The following RAB3C variants were observed in gnomAD, a reference collection of about 807,000 sequenced individuals.
RAB3C encodes RAB3C, member RAS oncogene family, also known as ras-related protein Rab-3C.
In RAB3C, 17 loss-of-function variants were observed where a neutral mutation model predicts 26.4. The observed-to-expected ratio is 0.64, with a 90% CI of 0.44 to 0.97. The LOEUF (loss-of-function observed/expected upper bound fraction) is 0.97. RAB3C is among the 50% of genes least tolerant of loss of function. The pLI is 0.00. For synonymous variants in RAB3C, 91 were observed against 95.9 expected (o/e 0.95, Z 0.30); for missense variants, 242 against 281.9 (o/e 0.86, Z 1.01).
At chr5:58,725,967 TTC>T (rs770466440) in intron 2 of RAB3C, 33 bp from the exon 3 acceptor site, 4 of 1,275,240 alleles carry the variant, frequency 3.1e-6, no homozygotes, top group Non-Finnish European at 4.4e-6. Context: ...ATTGCCTTAT[TTC>T]TGAGAGATTA....
chr5:58,748,861 C>A (rs1741460866), intron 3 of RAB3C, among the ~76,000 whole-genome samples: 1 of 152,162 alleles, frequency 6.6e-6, no homozygotes, highest in Admixed American at 6.6e-5. Flanking sequence ...TTAGTTCTCA[C>A]CAACAATGCC....
intron 2 of RAB3C, among the ~76,000 whole-genome samples, chr5:58,709,573 G>C (rs1447121403): frequency 6.6e-6 from 1 of 152,210 alleles, no homozygotes; most frequent in African/African-American, 2.4e-5. Context: ...CTATCAGAAA[G>C]ACTTCTATCC....
intron 2 of RAB3C, among the ~76,000 whole-genome samples, chr5:58,627,811 T>C (rs1250474685): frequency 2.6e-5 from 4 of 152,094 alleles, no homozygotes; most frequent in Admixed American, 2.6e-4. Flanking sequence ...GAAAGCAAGG[T>C]CTCCATCTTG....
At chr5:58,813,298 C>T (rs891820964) in intron 3 of RAB3C, among the ~76,000 whole-genome samples, 9 of 152,072 alleles carry the variant, frequency 5.9e-5, no homozygotes, top group Admixed American at 3.9e-4. Context: ...CACTGACTCC[C>T]ACTAGAGTGA....
At chr5:58,612,516 GTGTGTA>G (rs1422082366) in intron 1 of RAB3C, among the ~76,000 whole-genome samples, 12 of 41,078 alleles carry the variant, frequency 2.9e-4, no homozygotes, top group Non-Finnish European at 5.1e-4. Flanking sequence ...GTGTGTGTGT[GTGTGTA>G]TATATATATA....
chr5:58,635,629 T>G (rs1482220682), intron 2 of RAB3C, among the ~76,000 whole-genome samples: 2 of 152,194 alleles, frequency 1.3e-5, no homozygotes, highest in Non-Finnish European at 2.9e-5. Context: ...GACCAGGGTT[T>G]GTACATCGTC....
intron 2 of RAB3C, among the ~76,000 whole-genome samples, chr5:58,708,403 C>T (rs1029816798): frequency 2.0e-5 from 3 of 152,150 alleles, no homozygotes; most frequent in Non-Finnish European, 2.9e-5. Flanking sequence ...GAGCATGTAG[C>T]TGGGCTGCTT....
intron 4 of RAB3C, among the ~76,000 whole-genome samples, chr5:58,835,249 T>C (rs1743712819): frequency 6.6e-6 from 1 of 152,192 alleles, no homozygotes; most frequent in Non-Finnish European, 1.5e-5. Flanking sequence ...ACTGAGACTC[T>C]GGCACATCGC....
intron 3 of RAB3C, among the ~76,000 whole-genome samples, chr5:58,764,701 G>T (rs979818850): frequency 5.3e-5 from 8 of 150,262 alleles, no homozygotes; most frequent in African/African-American, 1.9e-4. Context: ...CTATTGGACT[G>T]CTCTCTTGGT....
At chr5:58,849,220 A>G (rs1196985672) in intron 4 of RAB3C, among the ~76,000 whole-genome samples, 6 of 152,234 alleles carry the variant, frequency 3.9e-5, no homozygotes, top group African/African-American at 1.4e-4. Flanking sequence ...AAAAGAGATG[A>G]AAAAATTGAA....
At chr5:58,721,014 A>T (rs1561299975) in intron 2 of RAB3C, among the ~76,000 whole-genome samples, 1 of 151,872 alleles carries the variant, frequency 6.6e-6, no homozygotes, top group Non-Finnish European at 1.5e-5. Flanking sequence ...ATACAGTTTT[A>T]AAAAAGAAAG....
At chr5:58,603,629 C>G (rs751368049) in intron 1 of RAB3C, among the ~76,000 whole-genome samples, 2 of 152,128 alleles carry the variant, frequency 1.3e-5, no homozygotes, top group Non-Finnish European at 2.9e-5. Flanking sequence ...TTTCACATTT[C>G]TAAAGGTGTG....
At chr5:58,825,817 C>T (rs1017869855) in intron 4 of RAB3C, among the ~76,000 whole-genome samples, 6 of 152,006 alleles carry the variant, frequency 3.9e-5, no homozygotes, top group Admixed American at 3.9e-4. Flanking sequence ...AGATTTAATA[C>T]AAAGGAGGGA....
At chr5:58,793,613 A>G (rs1421605597) in intron 3 of RAB3C, among the ~76,000 whole-genome samples, 3 of 150,440 alleles carry the variant, frequency 2.0e-5, no homozygotes, top group African/African-American at 7.3e-5. Flanking sequence ...AGAGTACAGA[A>G]TAAGTAAATG....
At chr5:58,637,546 T>C (rs1259861267) in intron 2 of RAB3C, among the ~76,000 whole-genome samples, 2 of 152,132 alleles carry the variant, frequency 1.3e-5, no homozygotes, top group African/African-American at 4.8e-5. Context: ...GGATATACTA[T>C]AAGTTCCAAA....
intron 3 of RAB3C, among the ~76,000 whole-genome samples, chr5:58,760,650 T>A (rs7716481): frequency 6.6e-6 from 1 of 151,980 alleles, no homozygotes; most frequent in Non-Finnish European, 1.5e-5. Context: ...ACCTAGAATA[T>A]CTTATATGAT....
At chr5:58,776,404 A>C (rs541480734) in intron 3 of RAB3C, among the ~76,000 whole-genome samples, 1 of 152,190 alleles carries the variant, frequency 6.6e-6, no homozygotes, top group East Asian at 1.9e-4. Flanking sequence ...CCTATGCATC[A>C]AGGGTGGTTC....
intron 2 of RAB3C, among the ~76,000 whole-genome samples, chr5:58,639,442 C>T (rs559746173): frequency 5.9e-5 from 9 of 152,242 alleles, no homozygotes; most frequent in Admixed American, 2.0e-4. Context: ...ATACCTGTGC[C>T]AGCAGATTCA....
At chr5:58,822,668 C>A in intron 3 of RAB3C, 1 of 407,868 alleles carries the variant, frequency 2.5e-6, no homozygotes, top group Non-Finnish European at 4.7e-6. Flanking sequence ...GTCTGTGTAA[C>A]AAACAGAGAT....
Sources: allele counts gnomAD v4.1 joint callset (sites outside exome capture counted in the v4.1 genomes callset), GRCh38; gene constraint gnomAD v4.1.1; transcripts MANE v1.5; gene names NCBI Gene and HGNC (gene_info 2026-07-23, HGNC 2026-07-21).